MSRB2: variants seen among roughly 807,000 people sequenced by gnomAD.
MSRB2 encodes the protein methionine-R-sulfoxide reductase B2, mitochondrial.
Under a neutral mutation model 19.0 loss-of-function variants are expected in MSRB2, and 17 were observed. The observed-to-expected ratio is 0.89, with a 90% CI of 0.61 to 1.34. The LOEUF (loss-of-function observed/expected upper bound fraction) is 1.34. MSRB2 is among the 40% of genes most tolerant of loss of function. The probability of loss-of-function intolerance (pLI) is 0.00; values close to 1 mark genes in which losing one functional copy is unlikely to be tolerated. For missense variants in MSRB2, 208 were observed against 237.6 expected (o/e 0.88, Z 0.82); for synonymous variants, 107 against 99.7 (o/e 1.07, Z -0.44).
At chr10:23,117,111 T>G (rs1362488825) in intron 3 of MSRB2, among the ~76,000 whole-genome samples, 1 of 152,196 alleles carries the variant, frequency 6.6e-6, no homozygotes, top group Admixed American at 6.5e-5. Flanking sequence ...TATTTTTAGT[T>G]TATACTTATC....
rs1840186754 is a variant in MSRB2, at chr10:23,121,804, G to A, written c.*942G>A. ...CAGGATTACGGAGGAGCTGTGCTCT[G>A]GGAGCATATATGGTGATCAATCAGA... On this transcript the variant is annotated 3_prime_UTR_variant, in exon 5 of 5. Coordinates refer to ENST00000376510, the MANE Select transcript of MSRB2 (RefSeq NM_012228.4). The A allele has an allele frequency of 6.6e-6, 1 of 152,178 alleles. No individual in the cohort carries two copies. 9.4% of individuals were successfully genotyped at this position (152,178 alleles called of 1,614,324 possible). A position where few individuals can be genotyped will look rare whatever the true frequency, so the allele number is the denominator to read the frequency against.
At chr10:23,104,827 T>C (rs368284093) in intron 2 of MSRB2, among the ~76,000 whole-genome samples, 2 of 152,138 alleles carry the variant, frequency 1.3e-5, no homozygotes, top group East Asian at 3.9e-4. Flanking sequence ...CACCCAGCTT[T>C]CCTTCTTCTC....
chr10:23,121,283 G>C lies in MSRB2; in HGVS notation c.*421G>C, dbSNP rs1840180232. 6.1e-6 allele frequency: 1 copy of C among 165,094 alleles called. No individual in the cohort carries two copies. Among genetic ancestry groups the C allele is most frequent in the East Asian group, 1.8e-4 (1 of 5,650 alleles). The allele number at this position is 165,094 out of a possible 1,614,324, so 10.2% of individuals were successfully genotyped here. A position where few individuals can be genotyped will look rare whatever the true frequency, so the allele number is the denominator to read the frequency against. ...CTTTTACTCATGGCAGAAGGTGAAGGGGGAGCCGGCGTCTCACATGGCAAA... is the reference window on the plus strand; with the variant it reads ...CTTTTACTCATGGCAGAAGGTGAAGCGGGAGCCGGCGTCTCACATGGCAAA... On this transcript the variant is annotated 3_prime_UTR_variant, in exon 5 of 5. Coordinates refer to ENST00000376510, the MANE Select transcript of MSRB2 (RefSeq NM_012228.4).
intron 3 of MSRB2, among the ~76,000 whole-genome samples, chr10:23,116,731 A>G (rs1273976670): frequency 2.6e-5 from 4 of 152,174 alleles, no homozygotes; most frequent in Admixed American, 2.6e-4. Context: ...ATGAGCTGCA[A>G]TTGCTTCAAC....
At position 23,104,217 on chromosome 10, in the gene MSRB2, C is replaced by T. The variant is rs367638197; in HGVS notation, c.192C>T (p.Tyr64=). 96 of 1,613,728 alleles carry T rather than the reference C, an allele frequency of 5.9e-5. No individual in the cohort carries two copies. In the African/African-American group the frequency reaches 1.1e-3, roughly 18 times the overall value. ...WQKKLTPEQF[Y]VTREKGTEPP... The stretch of plus-strand genomic sequence containing the variant: ...AGAAACTAACCCCGGAGCAGTTCTA[C>T]GTCACAAGAGAAAAGGGAACGGAAC... The change falls in exon 2 of 5, where the codon TAC becomes TAT. Residue 64 remains tyrosine (Y), a synonymous_variant. Transcript: ENST00000376510.
chr10:23,106,316 C>G (rs1839986063), intron 2 of MSRB2, among the ~76,000 whole-genome samples: 1 of 152,188 alleles, frequency 6.6e-6, no homozygotes, highest in South Asian at 2.1e-4. Context: ...TTTGGTGACT[C>G]TAAATTAAAA....
At chr10:23,118,379 T>C (rs1840140257) in intron 3 of MSRB2, among the ~76,000 whole-genome samples, 1 of 148,358 alleles carries the variant, frequency 6.7e-6, no homozygotes, top group South Asian at 2.2e-4. Flanking sequence ...CATTCAGTTC[T>C]TCTCTTTCTT....
At chr10:23,095,796 G>C in intron 1 of MSRB2, 70 bp downstream of exon 1, 4 of 1,081,338 alleles carry the variant, frequency 3.7e-6, no homozygotes, top group Non-Finnish European at 3.5e-6. Context: ...GCTGCACCCG[G>C]GAGCCTAGGG....
intron 2 of MSRB2, 31 bp downstream of exon 2, chr10:23,104,275 T>A: frequency 6.3e-7 from 1 of 1,597,740 alleles, no homozygotes; most frequent in Non-Finnish European, 8.6e-7. Flanking sequence ...GTTTTCTGAT[T>A]GCATGTGTTG....
At chr10:23,097,246 G>T (rs1174396122) in intron 1 of MSRB2, among the ~76,000 whole-genome samples, 1 of 152,122 alleles carries the variant, frequency 6.6e-6, no homozygotes, top group Non-Finnish European at 1.5e-5. Flanking sequence ...GAAGGGCTTG[G>T]GTATGAATAG....
At chr10:23,107,262 A>C (rs6482253) in intron 2 of MSRB2, among the ~76,000 whole-genome samples, 65,764 of 152,060 alleles carry the variant, frequency 0.43, 14,869 homozygotes, top group African/African-American at 0.58. Flanking sequence ...AGTAGCTTCA[A>C]ATTTCCAGTA....
chr10:23,105,359 ATCC>A (rs1295476947), intron 2 of MSRB2, among the ~76,000 whole-genome samples: 1 of 152,040 alleles, frequency 6.6e-6, no homozygotes, highest in African/African-American at 2.4e-5. Context: ...GTTAAGTGTC[ATCC>A]TCCTACTCTG....
At chr10:23,110,205 G>T in intron 2 of MSRB2, 37 bp from the exon 3 acceptor site, 1 of 1,532,360 alleles carries the variant, frequency 6.5e-7, no homozygotes, top group South Asian at 1.1e-5. Flanking sequence ...CCAGTAGTAT[G>T]AGAAATCTGA....
chr10:23,103,999 C>T, intron 1 of MSRB2, 145 bp from the exon 2 acceptor site: 1 of 515,784 alleles, frequency 1.9e-6, no homozygotes, highest in Non-Finnish European at 3.4e-6. Context: ...CCTTCTGGTC[C>T]CCATGAAGAA....
intron 1 of MSRB2, among the ~76,000 whole-genome samples, chr10:23,097,461 C>G (rs1242501384): frequency 6.6e-6 from 1 of 152,214 alleles, no homozygotes; most frequent in Non-Finnish European, 1.5e-5. Flanking sequence ...CCTTCTCACT[C>G]TGCCTTCAGG....
rs761407050 is a variant in MSRB2, at chr10:23,119,388, A to C, written c.381A>C (p.Thr127=). ...CGTCTGGCTCTGATGAAAGCCACAC[A>C]GGGATCCTGAGACGTCTGGATACCT... The part of the protein sequence containing the change: ...HGTSGSDESH[T]GILRRLDTSL... The change falls in exon 4 of 5, where the codon ACA becomes ACC. Residue 127 remains threonine (T), a synonymous_variant. Transcript: ENST00000376510. The C allele has an allele frequency of 6.8e-6, 11 of 1,613,998 alleles. No homozygotes were observed. The highest frequency in any genetic ancestry group is 4.0e-5 in the African/African-American group (3 of 74,916).
intron 3 of MSRB2, among the ~76,000 whole-genome samples, chr10:23,115,639 C>T (rs963404722): frequency 6.6e-6 from 1 of 152,140 alleles, no homozygotes; most frequent in Non-Finnish European, 1.5e-5. Context: ...GGTTTTAGTT[C>T]TTCAAGGGCA....
chr10:23,116,541 A>G (rs917714859), intron 3 of MSRB2, among the ~76,000 whole-genome samples: 6 of 152,210 alleles, frequency 3.9e-5, no homozygotes, highest in Admixed American at 1.3e-4. Context: ...TAGATCCTAT[A>G]CATCAAAAGG....
intron 1 of MSRB2, among the ~76,000 whole-genome samples, chr10:23,096,373 T>C (rs1839869752): frequency 6.6e-6 from 1 of 151,604 alleles, no homozygotes; most frequent in African/African-American, 2.4e-5. Context: ...TGTGTGTGTG[T>C]TTCTGCTAAA....
Sources: allele counts gnomAD v4.1 joint callset (sites outside exome capture counted in the v4.1 genomes callset), GRCh38; gene constraint gnomAD v4.1.1; transcripts MANE v1.5; gene names NCBI Gene and HGNC (gene_info 2026-07-23, HGNC 2026-07-21).